HUNK: variants seen among roughly 807,000 people sequenced by gnomAD.
HUNK encodes the protein hormonally up-regulated neu tumor-associated kinase.
A neutral mutation model predicts 61.0 loss-of-function variants in HUNK; 21 were observed. That is an observed-to-expected ratio of 0.34 (90% confidence interval 0.24 to 0.50). The LOEUF (loss-of-function observed/expected upper bound fraction) is 0.50, where lower values mean the gene tolerates loss of function less well. HUNK is among the 20% of genes least tolerant of loss of function. The pLI is 0.98. For synonymous variants in HUNK, 371 were observed against 386.1 expected (o/e 0.96, Z 0.46); for missense variants, 772 against 945.7 (o/e 0.82, Z 2.41).
At position 31,915,726 on chromosome 21, in the gene HUNK, A is replaced by T. The variant is rs141911193; in HGVS notation, c.262-8742A>T. Among the ~76,000 whole-genome samples the T allele has an allele frequency of 3.8e-3, 579 of 152,282 alleles. 1 individual carries two copies. Among genetic ancestry groups the T allele is most frequent in the African/African-American group, 0.013 (559 of 41,550 alleles). On this transcript the variant is annotated intron_variant, in intron 1 of 10. Coordinates refer to ENST00000270112, the MANE Select transcript of HUNK (RefSeq NM_014586.2). ...TGAATTTAAAATCCTGTTAACTCTG[A>T]TCCTATGTAGACAGTCTCAGCTAAG...
chr21:31,931,691 C>T (rs1425146965), intron 2 of HUNK, among the ~76,000 whole-genome samples: 2 of 152,146 alleles, frequency 1.3e-5, no homozygotes, highest in South Asian at 2.1e-4. Flanking sequence ...GGTTCTGCCA[C>T]GTCTCACGCT....
chr21:31,942,220 A>T (rs1278260016), intron 3 of HUNK, among the ~76,000 whole-genome samples: 2 of 152,226 alleles, frequency 1.3e-5, no homozygotes, highest in Non-Finnish European at 1.5e-5. Flanking sequence ...AAAAAGACTG[A>T]GGCTGGTGAG....
Position 32,002,383 on chromosome 21 carries a change from C to T in HUNK, c.*3199C>T, listed in dbSNP as rs1267444671. 4 of 152,270 alleles carry T rather than the reference C, an allele frequency of 2.6e-5. No individual in the cohort carries two copies. Among genetic ancestry groups the T allele is most frequent in the Non-Finnish European group, 5.9e-5 (4 of 68,074 alleles). 9.4% of individuals were successfully genotyped at this position (152,270 alleles called of 1,614,324 possible). ...AGATTACAGGCGTGAGCCACTGTGCCTGGCCTTATGTAAAGCTCTTGACCT... is the reference window on the plus strand; with the variant it reads ...AGATTACAGGCGTGAGCCACTGTGCTTGGCCTTATGTAAAGCTCTTGACCT... On this transcript the variant is annotated 3_prime_UTR_variant, in exon 11 of 11. Coordinates refer to ENST00000270112, the MANE Select transcript of HUNK (RefSeq NM_014586.2).
intron 10 of HUNK, 42 bp from the exon 11 acceptor site, chr21:31,998,484 T>G (rs759483398): frequency 3.3e-6 from 5 of 1,520,972 alleles, no homozygotes; most frequent in Non-Finnish European, 4.4e-6. Context: ...GTGAGCACTG[T>G]CCGGACGTCC....
chr21:31,964,237 C>T (rs1390519436), intron 5 of HUNK, among the ~76,000 whole-genome samples: 1 of 152,164 alleles, frequency 6.6e-6, no homozygotes, highest in Non-Finnish European at 1.5e-5. Flanking sequence ...GTGCTAATTA[C>T]GATGTCCAAG....
intron 2 of HUNK, among the ~76,000 whole-genome samples, chr21:31,927,080 G>A (rs139826126): frequency 0.046 from 6,777 of 148,062 alleles, 192 homozygotes; most frequent in Middle Eastern, 0.13. Context: ...TCACTCTGTC[G>A]CCCAGACTGG....
At chr21:31,899,904 C>T (rs577780251) in intron 1 of HUNK, among the ~76,000 whole-genome samples, 6 of 151,890 alleles carry the variant, frequency 4.0e-5, no homozygotes, top group Admixed American at 6.6e-5. Context: ...CAGCCTCCCA[C>T]GTAGCTGGGA....
At position 31,929,838 on chromosome 21, in the gene HUNK, G is replaced by A. The variant is rs1020637531; in HGVS notation, c.554+5078G>A. 3.3e-5 allele frequency among the ~76,000 whole-genome samples: 5 copies of A among 152,372 alleles called. No individual in the cohort carries two copies. In the East Asian group the frequency reaches 9.6e-4, roughly 29 times the overall value. ...CGCTTAAGAGGAAGGCAGTGGAAGA[G>A]AGGAGGCCCTTCTTTGTTCTTTTGG... On this transcript the variant is annotated intron_variant, in intron 2 of 10. Coordinates refer to ENST00000270112, the MANE Select transcript of HUNK (RefSeq NM_014586.2).
At chr21:31,902,212 T>C (rs2052472773) in intron 1 of HUNK, among the ~76,000 whole-genome samples, 1 of 152,084 alleles carries the variant, frequency 6.6e-6, no homozygotes, top group African/African-American at 2.4e-5. Context: ...TTCACACAGA[T>C]TAAGAAAGTT....
intron 1 of HUNK, among the ~76,000 whole-genome samples, chr21:31,917,350 G>A (rs191885578): frequency 1.4e-4 from 21 of 152,188 alleles, no homozygotes; most frequent in Non-Finnish European, 2.6e-4. Flanking sequence ...GAGCCACCAC[G>A]CCTGGTTAAT....
In HUNK at chr21:32,000,815, C is replaced by A; in HGVS notation, c.*1631C>A. 2.5e-6 allele frequency: 1 copy of A among 397,988 alleles called. No homozygotes were observed. The highest frequency in any genetic ancestry group is 1.3e-4 in the South Asian group (1 of 7,620). The allele number at this position is 397,988 out of a possible 1,614,324, so 24.7% of individuals were successfully genotyped here. ...CCCTCACATCTCTGACAGAGCGGGA[C>A]AGAATGGATATTTGGCTGACCTTGG... On this transcript the variant is annotated 3_prime_UTR_variant, in exon 11 of 11. Transcript: ENST00000270112.
At chr21:31,961,242 A>G (rs1250128605) in intron 5 of HUNK, among the ~76,000 whole-genome samples, 1 of 147,304 alleles carries the variant, frequency 6.8e-6, no homozygotes, top group African/African-American at 2.5e-5. Context: ...TTTTTTTTTT[A>G]TTGGTGAGTA....
In HUNK at chr21:31,927,655, A is replaced by AT. The variant is rs2052670391; in HGVS notation, c.554+2895_554+2896insT. On this transcript the variant is annotated intron_variant, in intron 2 of 10. Coordinates refer to ENST00000270112, the MANE Select transcript of HUNK (RefSeq NM_014586.2). Reference sequence around the variant, plus strand: ...CGAGACTTGTCTGGAAAAAAAAAAAAAGCCATTTATTTTCTGATCAGTGAT... The same window carrying AT: ...CGAGACTTGTCTGGAAAAAAAAAAAATAGCCATTTATTTTCTGATCAGTGAT... Among the ~76,000 whole-genome samples, 3 of 152,094 alleles carry AT rather than the reference A, an allele frequency of 2.0e-5. No individual in the cohort carries two copies. In the South Asian group the frequency reaches 6.2e-4, roughly 32 times the overall value.
chr21:31,903,014 G>A (rs1252167077), intron 1 of HUNK, among the ~76,000 whole-genome samples: 2 of 151,546 alleles, frequency 1.3e-5, no homozygotes, highest in Admixed American at 6.6e-5. Flanking sequence ...TTTTTTCTCG[G>A]TGCGGGAGAG....
intron 1 of HUNK, among the ~76,000 whole-genome samples, chr21:31,900,446 A>ACACACAC (rs2052456766): frequency 9.1e-5 from 13 of 143,128 alleles, no homozygotes; most frequent in Admixed American, 2.8e-4. Context: ...TAGTTACTGA[A>ACACACAC]ACACACACAC....
rs187474288 is a variant in HUNK, at chr21:31,925,383, G to A, written c.554+623G>A. Among the ~76,000 whole-genome samples the A allele has an allele frequency of 2.6e-5, 4 of 152,298 alleles. No individual in the cohort carries two copies. The East Asian group carries it at 7.7e-4, about 29-fold the overall frequency. ...ATGGGAAGAGCTTGGGACAGTGTTT[G>A]TTACCTAGTAGGTATCAGGTAAGTG... On this transcript the variant is annotated intron_variant, in intron 2 of 10. Coordinates refer to ENST00000270112, the MANE Select transcript of HUNK (RefSeq NM_014586.2).
chr21:31,983,417 C>A, intron 7 of HUNK, 109 bp from the exon 8 acceptor site: 1 of 851,174 alleles, frequency 1.2e-6, no homozygotes, highest in South Asian at 1.6e-5. Flanking sequence ...GACTGCCAAA[C>A]ATTTCCAGCA....
intron 4 of HUNK, among the ~76,000 whole-genome samples, chr21:31,948,828 G>A (rs1012195283): frequency 6.6e-6 from 1 of 152,138 alleles, no homozygotes; most frequent in African/African-American, 2.4e-5. Context: ...AGGATGTTCC[G>A]GTTGGAGATT....
chr21:31,968,201 C>T (rs370088094), intron 5 of HUNK, 49 bp from the exon 6 acceptor site: 4 of 1,610,556 alleles, frequency 2.5e-6, no homozygotes, highest in Non-Finnish European at 3.4e-6. Flanking sequence ...TCACTGGTGT[C>T]TGCGTTCAGC....
Sources: allele counts gnomAD v4.1 joint callset (sites outside exome capture counted in the v4.1 genomes callset), GRCh38; gene constraint gnomAD v4.1.1; transcripts MANE v1.5; gene names NCBI Gene and HGNC (gene_info 2026-07-23, HGNC 2026-07-21).